Variants in FRK observed in about 807,000 individuals in gnomAD.
FRK encodes the protein tyrosine-protein kinase FRK.
FRK carries 51 observed loss-of-function variants against 56.4 expected under a neutral mutation model. That is an observed-to-expected ratio of 0.90 (90% confidence interval 0.72 to 1.14). FRK has a LOEUF of 1.14. FRK is among the 50% of genes most tolerant of loss of function. The pLI is 0.00. For synonymous variants in FRK, 245 were observed against 217.9 expected (o/e 1.12, Z -1.10); for missense variants, 570 against 601.4 (o/e 0.95, Z 0.55).
the FRK span, among the ~76,000 whole-genome samples, chr6:116,071,020 T>C: frequency 6.6e-6 from 1 of 152,174 alleles, no homozygotes; most frequent in African/African-American, 2.4e-5. Flanking sequence ...AAACTTATAA[T>C]GCATATTGTC....
intron 1 of FRK, among the ~76,000 whole-genome samples, chr6:116,032,904 CA>C (rs1396579416): frequency 6.6e-6 from 1 of 151,138 alleles, no homozygotes; most frequent in Non-Finnish European, 1.5e-5. Flanking sequence ...CTGTGATAAG[CA>C]AAAAAATAAA....
the FRK span, among the ~76,000 whole-genome samples, chr6:116,097,106 A>G: frequency 6.6e-6 from 1 of 152,022 alleles, no homozygotes; most frequent in East Asian, 1.9e-4. Flanking sequence ...AGTATTTTTT[A>G]TTAAGAAATG....
At chr6:116,082,498 A>C in the FRK span, among the ~76,000 whole-genome samples, 1 of 152,096 alleles carries the variant, frequency 6.6e-6, no homozygotes, top group Admixed American at 6.6e-5. Context: ...CAGTGTAACC[A>C]CCTGGATCCA....
the FRK span, among the ~76,000 whole-genome samples, chr6:116,075,697 A>G: frequency 3.9e-5 from 6 of 152,204 alleles, no homozygotes; most frequent in East Asian, 1.2e-3. Flanking sequence ...ACCACCCACA[A>G]TTAAGGAGTA....
chr6:115,992,431 G>A (rs1198045051), intron 2 of FRK, among the ~76,000 whole-genome samples: 3 of 151,766 alleles, frequency 2.0e-5, no homozygotes, highest in Non-Finnish European at 4.4e-5. Flanking sequence ...ACAAATGAAA[G>A]TGCTATGATA....
chr6:115,944,221 AATT>A lies in FRK; in HGVS notation c.1140+20_1140+22del. 6.3e-7 allele frequency: 1 copy of A among 1,589,128 alleles called. No homozygotes were observed. Among genetic ancestry groups the A allele is most frequent in the Non-Finnish European group, 8.6e-7 (1 of 1,167,988 alleles). The stretch of plus-strand genomic sequence containing the variant: ...AGACTTTTGACCTATTACAAAAACT[AATT>A]AAAACAAAACTAAATCCACCTTAAA... On this transcript the variant is annotated intron_variant, in intron 6 of 7. Coordinates refer to ENST00000606080, the MANE Select transcript of FRK (RefSeq NM_002031.3).
chr6:116,086,974 A>G, the FRK span, among the ~76,000 whole-genome samples: 2 of 152,212 alleles, frequency 1.3e-5, no homozygotes, highest in Non-Finnish European at 2.9e-5. Context: ...GCTAGACAAA[A>G]TACTTGATGT....
upstream of FRK, chr6:116,060,901 C>A (rs1422937828): frequency 6.6e-6 from 1 of 152,342 alleles, no homozygotes; most frequent in Non-Finnish European, 1.5e-5. Context: ...TAATAATTTC[C>A]CCTTACTTCC....
chr6:115,943,811 C>G (rs557678624), intron 6 of FRK, among the ~76,000 whole-genome samples: 2 of 152,146 alleles, frequency 1.3e-5, no homozygotes, highest in African/African-American at 4.8e-5. Context: ...TAGTATCTTT[C>G]AGACTGAGGT....
chr6:116,093,015 C>T, the FRK span, among the ~76,000 whole-genome samples: 1 of 152,310 alleles, frequency 6.6e-6, no homozygotes, highest in African/African-American at 2.4e-5. Flanking sequence ...TACTATCCTG[C>T]AGCTTGACCT....
chr6:116,071,618 T>A, the FRK span, among the ~76,000 whole-genome samples: 10 of 152,296 alleles, frequency 6.6e-5, no homozygotes, highest in African/African-American at 2.2e-4. Context: ...TTAAACCACA[T>A]GTCATTAATA....
At chr6:116,089,984 T>C in the FRK span, among the ~76,000 whole-genome samples, 1 of 152,234 alleles carries the variant, frequency 6.6e-6, no homozygotes, top group African/African-American at 2.4e-5. Flanking sequence ...AATAAAAATA[T>C]AGAATATCAA....
the FRK span, among the ~76,000 whole-genome samples, chr6:116,082,937 T>G: frequency 6.6e-6 from 1 of 151,748 alleles, no homozygotes; most frequent in Non-Finnish European, 1.5e-5. Flanking sequence ...GGAACAGAGA[T>G]GTTTAGACAT....
At chr6:115,982,264 A>T (rs1489574983) in intron 2 of FRK, among the ~76,000 whole-genome samples, 1 of 152,084 alleles carries the variant, frequency 6.6e-6, no homozygotes, top group Non-Finnish European at 1.5e-5. Flanking sequence ...GACTCATACC[A>T]TTAGCTCTCC....
At chr6:115,957,037 G>T (rs951401041) in intron 4 of FRK, among the ~76,000 whole-genome samples, 1 of 152,178 alleles carries the variant, frequency 6.6e-6, no homozygotes, top group African/African-American at 2.4e-5. Flanking sequence ...GGAACAGCTG[G>T]ACAAAAATCC....
chr6:115,945,744 C>T (rs1385473438), intron 5 of FRK, among the ~76,000 whole-genome samples: 1 of 152,244 alleles, frequency 6.6e-6, no homozygotes, highest in East Asian at 1.9e-4. Flanking sequence ...AAGCTTGATA[C>T]ATTATTTTAT....
chr6:116,061,399 AACACACACACAC>A (rs3049929), upstream of FRK, among the ~76,000 whole-genome samples: 12 of 146,574 alleles, frequency 8.2e-5, no homozygotes, highest in African/African-American at 2.5e-4. Flanking sequence ...CTATTTGGGA[AACACACACACAC>A]ACACACACAC....
chr6:115,995,835 C>G (rs1468503676), intron 2 of FRK, among the ~76,000 whole-genome samples: 2 of 152,092 alleles, frequency 1.3e-5, no homozygotes, highest in African/African-American at 2.4e-5. Context: ...TATAACTTAT[C>G]ATTGGTAATG....
At chr6:115,956,111 G>A (rs1772975215) in intron 5 of FRK, among the ~76,000 whole-genome samples, 1 of 151,970 alleles carries the variant, frequency 6.6e-6, no homozygotes, top group South Asian at 2.1e-4. Context: ...AGAAAATATT[G>A]GTCCATAACT....
Sources: allele counts gnomAD v4.1 joint callset (sites outside exome capture counted in the v4.1 genomes callset), GRCh38; gene constraint gnomAD v4.1.1; transcripts MANE v1.5; gene names NCBI Gene and HGNC (gene_info 2026-07-23, HGNC 2026-07-21).